Variants in WWOX observed in about 807,000 individuals in gnomAD.
The protein encoded by WWOX is WW domain containing oxidoreductase.
WWOX carries 69 observed loss-of-function variants against 46.2 expected under a neutral mutation model. The ratio of observed to expected loss-of-function variants is 1.49; its 90% CI spans 1.23 to 1.82. The LOEUF (loss-of-function observed/expected upper bound fraction) is 1.82. Ranked by LOEUF, WWOX falls within the 40% of genes most tolerant of loss-of-function variation. The pLI is 0.00. For missense variants in WWOX, 919 were observed against 542.6 expected (o/e 1.69, Z -6.89); for synonymous variants, 359 against 202.6 (o/e 1.77, Z -6.56).
intron 8 of WWOX, chr16:78,872,594 C>A (rs1027127974): frequency 1.3e-5 from 2 of 152,150 alleles, no homozygotes; most frequent in African/African-American, 4.8e-5. Context: ...CCTTAGGGCA[C>A]ATGGTAGGAA....
At chr16:78,749,689 G>T (rs544839110) in intron 8 of WWOX, among the ~76,000 whole-genome samples, 1 of 152,266 alleles carries the variant, frequency 6.6e-6, no homozygotes, top group Admixed American at 6.5e-5. Context: ...CTCAAAATAG[G>T]TGTCATTTAA....
intron 5 of WWOX, among the ~76,000 whole-genome samples, chr16:78,324,977 G>A (rs1361889610): frequency 6.6e-6 from 1 of 152,172 alleles, no homozygotes; most frequent in Admixed American, 6.5e-5. Flanking sequence ...ATTAATCTTT[G>A]CTCCCAGAGA....
chr16:78,418,716 A>C (rs1290415086), intron 6 of WWOX, among the ~76,000 whole-genome samples: 3 of 152,176 alleles, frequency 2.0e-5, no homozygotes, highest in African/African-American at 7.2e-5. Context: ...ATACATACAT[A>C]AAAACATGTT....
intron 8 of WWOX, among the ~76,000 whole-genome samples, chr16:79,122,906 T>G (rs1283730135): frequency 6.6e-6 from 1 of 152,170 alleles, no homozygotes; most frequent in Non-Finnish European, 1.5e-5. Flanking sequence ...ACCTCAACTT[T>G]TAGGTCTCTG....
intron 5 of WWOX, among the ~76,000 whole-genome samples, chr16:78,340,022 G>GGA (rs1291432651): frequency 4.2e-5 from 2 of 48,112 alleles, no homozygotes; most frequent in Non-Finnish European, 1.1e-4. Context: ...TTTGGTGGGG[G>GGA]GGGGGGGGAC....
intron 5 of WWOX, among the ~76,000 whole-genome samples, chr16:78,218,034 C>T (rs79314905): frequency 0.011 from 1,640 of 152,160 alleles, 8 homozygotes; most frequent in Non-Finnish European, 0.018. Context: ...CCTCTCCCTC[C>T]CTGTGCTTGC....
At chr16:79,026,944 C>G (rs758001247) in intron 8 of WWOX, among the ~76,000 whole-genome samples, 2 of 151,278 alleles carry the variant, frequency 1.3e-5, no homozygotes, top group Admixed American at 6.6e-5. Context: ...GTGGTAGACT[C>G]TTAATGAATT....
chr16:78,584,146 G>A (rs1425465596), intron 8 of WWOX, among the ~76,000 whole-genome samples: 2 of 152,202 alleles, frequency 1.3e-5, no homozygotes, highest in African/African-American at 4.8e-5. Flanking sequence ...GACCACGTCT[G>A]TCTTGATCAT....
At chr16:78,367,451 G>T (rs916402610) in intron 5 of WWOX, among the ~76,000 whole-genome samples, 1 of 151,924 alleles carries the variant, frequency 6.6e-6, no homozygotes, top group African/African-American at 2.4e-5. Flanking sequence ...TAGGGTTAGT[G>T]TATTAATATT....
rs957721911 is a variant in WWOX, at chr16:78,826,077, C to G, written c.1057-385531C>G. 21 of 369,220 alleles carry G rather than the reference C, an allele frequency of 5.7e-5. 1 individual carries two copies. The highest frequency in any genetic ancestry group is 5.6e-4 in the Admixed American group (13 of 23,390). 22.9% of individuals were successfully genotyped at this position (369,220 alleles called of 1,614,324 possible). On this transcript the variant is annotated intron_variant, in intron 8 of 8. Transcript: ENST00000566780. Reference sequence around the variant, plus strand: ...TAAAGACATTTAATAAAATATTGTACAAAGACAACCGGGAATGCCTGTAAT... The same window carrying G: ...TAAAGACATTTAATAAAATATTGTAGAAAGACAACCGGGAATGCCTGTAAT...
chr16:78,604,657 C>T (rs910503706), intron 8 of WWOX, among the ~76,000 whole-genome samples: 3 of 134,006 alleles, frequency 2.2e-5, no homozygotes, highest in African/African-American at 8.5e-5. Context: ...AAAAAAGATT[C>T]CTTCCTTCCT....
intron 5 of WWOX, among the ~76,000 whole-genome samples, chr16:78,310,293 C>G (rs1434644909): frequency 6.6e-6 from 1 of 152,218 alleles, no homozygotes; most frequent in Non-Finnish European, 1.5e-5. Flanking sequence ...ACGTGTGCTT[C>G]TGGGCTTTGT....
At chr16:78,859,885 A>T (rs548007423) in intron 8 of WWOX, among the ~76,000 whole-genome samples, 127 of 152,292 alleles carry the variant, frequency 8.3e-4, no homozygotes, top group African/African-American at 2.9e-3. Flanking sequence ...TCACTTACTT[A>T]TAAACAGGTG....
intron 8 of WWOX, among the ~76,000 whole-genome samples, chr16:78,929,945 C>T (rs1322238526): frequency 6.6e-6 from 1 of 152,084 alleles, no homozygotes; most frequent in South Asian, 2.1e-4. Flanking sequence ...ATAAAAATTC[C>T]CTGTGCTAAC....
intron 8 of WWOX, among the ~76,000 whole-genome samples, chr16:78,459,333 C>T (rs1188737749): frequency 2.0e-5 from 3 of 152,218 alleles, no homozygotes; most frequent in Non-Finnish European, 2.9e-5. Context: ...ATGGTATCCC[C>T]AGCATTTTTA....
At chr16:78,615,114 G>T (rs2045990117) in intron 8 of WWOX, among the ~76,000 whole-genome samples, 1 of 152,130 alleles carries the variant, frequency 6.6e-6, no homozygotes, top group African/African-American at 2.4e-5. Flanking sequence ...AAAATAATTT[G>T]TACAAGTTTA....
chr16:78,952,344 C>A (rs533258254), intron 8 of WWOX, among the ~76,000 whole-genome samples: 3 of 151,556 alleles, frequency 2.0e-5, no homozygotes, highest in African/African-American at 7.3e-5. Flanking sequence ...CAGCAATGCA[C>A]TGAGCTGCAG....
At chr16:78,547,663 T>C (rs540342841) in intron 8 of WWOX, among the ~76,000 whole-genome samples, 5 of 152,252 alleles carry the variant, frequency 3.3e-5, no homozygotes, top group African/African-American at 1.2e-4. Context: ...TGCTGGCAGA[T>C]TGAGTGTTTG....
At chr16:78,823,800 A>G (rs531478076) in intron 8 of WWOX, among the ~76,000 whole-genome samples, 40 of 150,846 alleles carry the variant, frequency 2.7e-4, no homozygotes, top group Non-Finnish European at 4.9e-4. Flanking sequence ...TTTTTAAGAC[A>G]GAATCTTGTT....
Sources: gnomAD v4.1 joint callset for allele counts (sites outside exome capture counted in the v4.1 genomes callset) on GRCh38, gnomAD v4.1.1 for gene constraint, MANE v1.5 for transcripts, NCBI Gene and HGNC (gene_info 2026-07-23, HGNC 2026-07-21) for gene names.